Variants in SNTB1 observed in about 807,000 individuals in gnomAD.
SNTB1 encodes the protein beta-1-syntrophin.
Under a neutral mutation model 48.9 loss-of-function variants are expected in SNTB1, and 36 were observed. The observed-to-expected ratio is 0.74, with a 90% CI of 0.56 to 0.97. The LOEUF (loss-of-function observed/expected upper bound fraction) is 0.97. Among genes scored for constraint, SNTB1 ranks in the 50% least tolerant of loss-of-function variants. The pLI is 0.00. For synonymous variants in SNTB1, 299 were observed against 294.6 expected (o/e 1.01, Z -0.15); for missense variants, 786 against 703.4 (o/e 1.12, Z -1.33).
intron 2 of SNTB1, among the ~76,000 whole-genome samples, chr8:120,663,873 T>A (rs538041472): frequency 6.6e-6 from 1 of 152,182 alleles, no homozygotes; most frequent in Admixed American, 6.5e-5. Context: ...AAGATCCGAT[T>A]ACAGCAGAGA....
At chr8:120,679,638 C>A (rs1173371882) in intron 2 of SNTB1, among the ~76,000 whole-genome samples, 1 of 152,200 alleles carries the variant, frequency 6.6e-6, no homozygotes, top group African/African-American at 2.4e-5. Flanking sequence ...AATCACTGCC[C>A]TAACCTTATA....
At chr8:120,630,382 C>T (rs878963356) in intron 3 of SNTB1, among the ~76,000 whole-genome samples, 44 of 152,208 alleles carry the variant, frequency 2.9e-4, no homozygotes, top group Admixed American at 1.6e-3. Context: ...TGCTGCTTCT[C>T]CTTGCCCTTT....
intron 2 of SNTB1, among the ~76,000 whole-genome samples, chr8:120,678,468 C>T (rs62526754): frequency 2.6e-5 from 4 of 152,208 alleles, no homozygotes; most frequent in African/African-American, 9.7e-5. Context: ...ATACATGGCT[C>T]TTTTGCAACT....
At chr8:120,609,287 C>T (rs1283303477) in intron 3 of SNTB1, among the ~76,000 whole-genome samples, 2 of 152,102 alleles carry the variant, frequency 1.3e-5, no homozygotes, top group African/African-American at 2.4e-5. Context: ...GTGGAATTGC[C>T]CCCTTCCCTC....
At chr8:120,807,464 G>T (rs1046583967) in intron 1 of SNTB1, among the ~76,000 whole-genome samples, 1 of 152,166 alleles carries the variant, frequency 6.6e-6, no homozygotes, top group African/African-American at 2.4e-5. Context: ...TGAGAAATGA[G>T]CTTGTGATGT....
intron 1 of SNTB1, among the ~76,000 whole-genome samples, chr8:120,719,378 T>C (rs1818615937): frequency 6.6e-6 from 1 of 152,212 alleles, no homozygotes; most frequent in Admixed American, 6.5e-5. Flanking sequence ...CTTTGGGACT[T>C]GGACTGGCTT....
In SNTB1 at chr8:120,762,638, TG is replaced by T. The variant is rs1206931649; in HGVS notation, c.571+48634del. Reference sequence around the variant, plus strand: ...ATTCATACTCTAGATTACAAATGCATGGTGCTTTGGGGCCTTATTGATTTAA... The same window carrying T: ...ATTCATACTCTAGATTACAAATGCATGTGCTTTGGGGCCTTATTGATTTAA... On this transcript the variant is annotated intron_variant, in intron 1 of 6. Transcript: ENST00000517992. Among the ~76,000 whole-genome samples, 3 of 152,326 alleles carry T rather than the reference TG, an allele frequency of 2.0e-5. No individual in the cohort carries two copies. The South Asian group carries it at 6.2e-4, about 32-fold the overall frequency.
chr8:120,627,251 G>A (rs1488367848), intron 3 of SNTB1, among the ~76,000 whole-genome samples: 3 of 152,216 alleles, frequency 2.0e-5, no homozygotes, highest in Non-Finnish European at 4.4e-5. Context: ...TGCCTTGGTA[G>A]CAGAAATTTG....
At chr8:120,794,486 T>C (rs563498732) in intron 1 of SNTB1, among the ~76,000 whole-genome samples, 3 of 149,134 alleles carry the variant, frequency 2.0e-5, no homozygotes, top group East Asian at 3.9e-4. Context: ...ATTTTATATA[T>C]ATATATACAC....
chr8:120,670,580 C>T lies in SNTB1; in HGVS notation c.788+23112G>A, dbSNP rs59287657. Among the ~76,000 whole-genome samples the T allele has an allele frequency of 5.0e-3, 760 of 152,254 alleles. 22 individuals are homozygous for T. Among genetic ancestry groups the T allele is most frequent in the Admixed American group, 0.036 (548 of 15,302 alleles). ...AAGATGTCACTAAGGTGTCAAATAA[C>T]CTATTTCTCTATTTACTTAGTATTT... On this transcript the variant is annotated intron_variant, in intron 2 of 6. Coordinates refer to ENST00000517992, the MANE Select transcript of SNTB1 (RefSeq NM_021021.4).
intron 2 of SNTB1, among the ~76,000 whole-genome samples, chr8:120,634,885 T>A (rs1261157099): frequency 6.7e-6 from 1 of 149,020 alleles, no homozygotes; most frequent in African/African-American, 2.5e-5. Context: ...GGAGTCTCGC[T>A]CTGTCGCCCA....
chr8:120,804,244 ATTCCTTCCTCT>A lies in SNTB1; in HGVS notation c.571+7018_571+7028del, dbSNP rs201853446. ...CCTCCTTCCCTTTCTCCCTCCCTTTATTCCTTCCTCTTTCCTTCCACCCATCCATTCATCCA... is the reference window on the plus strand; with the variant it reads ...CCTCCTTCCCTTTCTCCCTCCCTTTATTCCTTCCACCCATCCATTCATCCA... On this transcript the variant is annotated intron_variant, in intron 1 of 6. Transcript: ENST00000517992. Among the ~76,000 whole-genome samples the A allele has an allele frequency of 1.0e-3, 138 of 135,916 alleles. No individual in the cohort carries two copies. The East Asian group carries it at 0.017, about 16-fold the overall frequency. 89.2% of individuals were successfully genotyped at this position (135,916 alleles called of 152,430 possible).
At chr8:120,700,917 A>C (rs1226742724) in intron 1 of SNTB1, among the ~76,000 whole-genome samples, 1 of 152,258 alleles carries the variant, frequency 6.6e-6, no homozygotes, top group Non-Finnish European at 1.5e-5. Context: ...CAACAAAAAA[A>C]GAATTTCCAG....
chr8:120,684,392 T>C (rs1398649263), intron 2 of SNTB1, among the ~76,000 whole-genome samples: 2 of 152,130 alleles, frequency 1.3e-5, no homozygotes, highest in Non-Finnish European at 2.9e-5. Flanking sequence ...CCAAAATTCT[T>C]AACTCATTCC....
intron 1 of SNTB1, among the ~76,000 whole-genome samples, chr8:120,700,178 T>A (rs1210008018): frequency 1.3e-5 from 2 of 151,566 alleles, no homozygotes; most frequent in Non-Finnish European, 2.9e-5. Context: ...TGTGTGTGTG[T>A]TTGTGTGTGT....
At chr8:120,734,479 G>C (rs930334473) in intron 1 of SNTB1, among the ~76,000 whole-genome samples, 8 of 150,100 alleles carry the variant, frequency 5.3e-5, no homozygotes, top group African/African-American at 2.0e-4. Flanking sequence ...TTGCAAAATT[G>C]TCACGAAAGC....
chr8:120,717,940 T>A (rs1224612897), intron 1 of SNTB1, among the ~76,000 whole-genome samples: 2 of 152,180 alleles, frequency 1.3e-5, no homozygotes, highest in African/African-American at 4.8e-5. Flanking sequence ...ACTAGATGTG[T>A]CTCGTCCATC....
chr8:120,723,703 T>C (rs1818707470), intron 1 of SNTB1, among the ~76,000 whole-genome samples: 1 of 152,200 alleles, frequency 6.6e-6, no homozygotes, highest in Non-Finnish European at 1.5e-5. Flanking sequence ...TGTATATCCC[T>C]GGGCATACTT....
intron 1 of SNTB1, among the ~76,000 whole-genome samples, chr8:120,776,159 A>G (rs913837590): frequency 6.6e-6 from 1 of 152,172 alleles, no homozygotes; most frequent in Non-Finnish European, 1.5e-5. Flanking sequence ...CAAGGGCCCA[A>G]TTCTATGGAA....
Sources: gnomAD v4.1 joint callset for allele counts (sites outside exome capture counted in the v4.1 genomes callset) on GRCh38, gnomAD v4.1.1 for gene constraint, MANE v1.5 for transcripts, NCBI Gene and HGNC (gene_info 2026-07-23, HGNC 2026-07-21) for gene names.